THSD4: variants seen among roughly 807,000 people sequenced by gnomAD.
THSD4 encodes thrombospondin type-1 domain-containing protein 4.
THSD4 carries 69 observed loss-of-function variants against 119.0 expected under a neutral mutation model. The ratio of observed to expected loss-of-function variants is 0.58; its 90% confidence interval spans 0.48 to 0.71. THSD4 has a LOEUF of 0.71. Ranked by LOEUF, THSD4 falls within the 30% of genes least tolerant of loss-of-function variation. The pLI is 0.00. For missense variants in THSD4, 1,393 were observed against 1,391.1 expected, an observed-to-expected ratio of 1.00 and a Z score of -0.02; for synonymous variants, 524 against 540.4, an observed-to-expected ratio of 0.97 and a Z score of 0.42.
chr15:71,739,479 G>A (rs1033179847), intron 11 of THSD4, among the ~76,000 whole-genome samples: 25 of 152,128 alleles, frequency 1.6e-4, no homozygotes, highest in Non-Finnish European at 2.6e-4. Flanking sequence ...CCAGGGTCCC[G>A]TTTCCTTGAA....
Position 71,306,198 on chromosome 15 carries a change from C to T in THSD4, c.1015+49483C>T, listed in dbSNP as rs141579663. 8.5e-4 allele frequency among the ~76,000 whole-genome samples: 128 copies of T among 150,142 alleles called. 2 individuals carry two copies. The highest frequency in any genetic ancestry group is 2.8e-3 in the African/African-American group (113 of 40,676). On this transcript the variant is annotated intron_variant, in intron 6 of 17. Coordinates refer to ENST00000261862, the MANE Select transcript of THSD4 (RefSeq NM_024817.3). Reference sequence around the variant, plus strand: ...GTGGGCACCTGTAATCCCAGCTACTCGGGAGGCTGAGGCAGGAGAATCACT... The same window carrying T: ...GTGGGCACCTGTAATCCCAGCTACTTGGGAGGCTGAGGCAGGAGAATCACT...
intron 6 of THSD4, among the ~76,000 whole-genome samples, chr15:71,280,154 G>A (rs539287951): frequency 6.6e-6 from 1 of 152,324 alleles, no homozygotes; most frequent in South Asian, 2.1e-4. Flanking sequence ...AACCACAGAA[G>A]CAAAGGTGCT....
intron 7 of THSD4, among the ~76,000 whole-genome samples, chr15:71,639,836 C>CAAAAAAAAA (rs56797617): frequency 1.4e-5 from 2 of 140,582 alleles, no homozygotes; most frequent in African/African-American, 2.6e-5. Flanking sequence ...TTTTATTTAG[C>CAAAAAAAAA]AAAAAAAAAA....
intron 7 of THSD4, among the ~76,000 whole-genome samples, chr15:71,466,291 G>A (rs899574273): frequency 1.3e-5 from 2 of 151,400 alleles, no homozygotes; most frequent in African/African-American, 4.9e-5. Context: ...CTTGCAGTGA[G>A]CTGAGATTGC....
In THSD4 at chr15:71,660,637, T is replaced by C. The variant is rs1387029098; in HGVS notation, c.1260T>C (p.His420=). The C allele has an allele frequency of 3.1e-6, 5 of 1,614,206 alleles. No homozygotes were observed. The highest frequency in any genetic ancestry group is 4.2e-6 in the Non-Finnish European group (5 of 1,180,022). Residue 420 remains histidine (H), a synonymous_variant, in exon 8 of 18, where the codon CAT becomes CAC. Transcript: ENST00000261862. Reference sequence around the variant, plus strand: ...AGGTTGTGTCGGGCGTGTTTAAGCATGCCCTCACCAGCCTGGGCTACCACC... The same window carrying C: ...AGGTTGTGTCGGGCGTGTTTAAGCACGCCCTCACCAGCCTGGGCTACCACC... ...GCQVVSGVFK[H]ALTSLGYHRV...
intron 7 of THSD4, among the ~76,000 whole-genome samples, chr15:71,475,269 A>G (rs1453636367): frequency 6.6e-6 from 1 of 152,246 alleles, no homozygotes; most frequent in Non-Finnish European, 1.5e-5. Flanking sequence ...TGAGTTTATT[A>G]GAGGAATAAA....
chr15:71,680,326 G>A (rs1316669708), intron 8 of THSD4, among the ~76,000 whole-genome samples: 2 of 152,182 alleles, frequency 1.3e-5, no homozygotes, highest in African/African-American at 4.8e-5. Context: ...CAGGTTCTCA[G>A]CAGGCAGCAT....
chr15:71,475,126 C>A (rs1386475676), intron 7 of THSD4, among the ~76,000 whole-genome samples: 2 of 152,176 alleles, frequency 1.3e-5, no homozygotes, highest in African/African-American at 2.4e-5. Flanking sequence ...TCCTCTTATG[C>A]CCTAACCTAT....
At chr15:71,672,991 T>C (rs1210235790) in intron 8 of THSD4, among the ~76,000 whole-genome samples, 1 of 152,224 alleles carries the variant, frequency 6.6e-6, no homozygotes, top group Non-Finnish European at 1.5e-5. Context: ...ATCAGAATGA[T>C]GCTGGCCTCA....
At chr15:71,516,787 A>C (rs1390741620) in intron 7 of THSD4, among the ~76,000 whole-genome samples, 1 of 152,236 alleles carries the variant, frequency 6.6e-6, no homozygotes, top group Non-Finnish European at 1.5e-5. Context: ...GTATGCTATC[A>C]CATAGCTGTT....
intron 7 of THSD4, among the ~76,000 whole-genome samples, chr15:71,646,010 C>T (rs528193345): frequency 6.6e-6 from 1 of 152,170 alleles, no homozygotes; most frequent in African/African-American, 2.4e-5. Flanking sequence ...ACCATATTCC[C>T]TGTTTCAATC....
intron 7 of THSD4, among the ~76,000 whole-genome samples, chr15:71,568,686 AC>A (rs2049290637): frequency 6.6e-6 from 1 of 151,328 alleles, no homozygotes; most frequent in South Asian, 2.1e-4. Flanking sequence ...GGTGCGCTGC[AC>A]CCATTAACTC....
intron 7 of THSD4, among the ~76,000 whole-genome samples, chr15:71,495,167 A>C (rs1595825704): frequency 6.6e-6 from 1 of 152,210 alleles, no homozygotes; most frequent in South Asian, 2.1e-4. Flanking sequence ...CAAGTTGACA[A>C]CTGCCAATAG....
intron 7 of THSD4, among the ~76,000 whole-genome samples, chr15:71,588,654 G>A (rs531014774): frequency 5.3e-5 from 8 of 152,054 alleles, no homozygotes; most frequent in Non-Finnish European, 1.2e-4. Flanking sequence ...GGCTGGTCTC[G>A]AATTCCTGGG....
intron 1 of THSD4, among the ~76,000 whole-genome samples, chr15:71,137,591 A>G (rs1386930122): frequency 6.6e-6 from 1 of 152,150 alleles, no homozygotes; most frequent in Non-Finnish European, 1.5e-5. Context: ...AATTAATTTC[A>G]TGGCAGACTC....
intron 7 of THSD4, among the ~76,000 whole-genome samples, chr15:71,493,463 C>A (rs565194580): frequency 6.6e-6 from 1 of 152,322 alleles, no homozygotes; most frequent in African/African-American, 2.4e-5. Context: ...TGATCTTTAT[C>A]ATCTGTGTGG....
rs3086725 is a variant in THSD4, at chr15:71,687,773, C to CAAAA, written c.1357+27042_1357+27043insAAAA. ...TCTGTCTCAAAAAAAAAAAAAAAAA[C>CAAAA]AAACCAGCACCTCAGAAATTCATCT... On this transcript the variant is annotated intron_variant, in intron 8 of 17. Coordinates refer to ENST00000261862, the MANE Select transcript of THSD4 (RefSeq NM_024817.3). 4.1e-5 allele frequency among the ~76,000 whole-genome samples: 6 copies of CAAAA among 144,602 alleles called. 1 individual carries two copies. The highest frequency in any genetic ancestry group is 4.3e-4 in the South Asian group (2 of 4,650). 94.9% of individuals were successfully genotyped at this position (144,602 alleles called of 152,430 possible). A position where few individuals can be genotyped will look rare whatever the true frequency, so the allele number is the denominator to read the frequency against.
intron 8 of THSD4, among the ~76,000 whole-genome samples, chr15:71,691,904 T>A (rs2052059216): frequency 6.6e-6 from 1 of 152,158 alleles, no homozygotes; most frequent in Admixed American, 6.5e-5. Context: ...AGAATGAAAC[T>A]AGAATCAAGA....
intron 6 of THSD4, among the ~76,000 whole-genome samples, chr15:71,411,042 G>C (rs144224868): frequency 8.5e-5 from 13 of 152,220 alleles, no homozygotes; most frequent in Non-Finnish European, 1.6e-4. Context: ...AGTGAGACTT[G>C]TAAACATAAA....
Sources: gnomAD v4.1 joint callset for allele counts (sites outside exome capture counted in the v4.1 genomes callset) on GRCh38, gnomAD v4.1.1 for gene constraint, MANE v1.5 for transcripts, NCBI Gene and HGNC (gene_info 2026-07-23, HGNC 2026-07-21) for gene names.